Variants in CCSER1 observed in about 807,000 individuals in gnomAD.
The protein encoded by CCSER1 is serine-rich coiled-coil domain-containing protein 1.
CCSER1 carries 41 observed loss-of-function variants against 82.0 expected under a neutral mutation model. That is an observed-to-expected ratio of 0.50 (90% CI 0.39 to 0.65). The LOEUF (loss-of-function observed/expected upper bound fraction) is 0.65, where lower values mean the gene tolerates loss of function less well. Among genes scored for constraint, CCSER1 ranks in the 30% least tolerant of loss-of-function variants. CCSER1 has a pLI of 0.00. For missense variants in CCSER1, 1,119 were observed against 1,064.2 expected, an observed-to-expected ratio of 1.05 and a Z score of -0.72; for synonymous variants, 414 against 383.9, an observed-to-expected ratio of 1.08 and a Z score of -0.92.
intron 1 of CCSER1, among the ~76,000 whole-genome samples, chr4:90,228,258 G>C (rs1343738202): frequency 6.6e-6 from 1 of 152,164 alleles, no homozygotes; most frequent in Admixed American, 6.5e-5. Context: ...GTTTCTCCCA[G>C]CACGCAGCTG....
At chr4:90,487,639 G>A (rs923036362) in intron 5 of CCSER1, among the ~76,000 whole-genome samples, 2 of 152,084 alleles carry the variant, frequency 1.3e-5, no homozygotes, top group African/African-American at 4.8e-5. Context: ...ATTTAATCTA[G>A]TGTTTCTTTG....
chr4:90,973,741 A>G (rs1581239459), intron 9 of CCSER1, among the ~76,000 whole-genome samples: 1 of 151,822 alleles, frequency 6.6e-6, no homozygotes, highest in East Asian at 1.9e-4. Context: ...AGCAATAACC[A>G]AAGCATGGAA....
chr4:91,199,741 G>A (rs1164253881), intron 10 of CCSER1, among the ~76,000 whole-genome samples: 4 of 151,768 alleles, frequency 2.6e-5, no homozygotes. Context: ...TAATCCTAAA[G>A]ATTAGCTTTA....
At chr4:90,544,767 C>T (rs1776552168) in intron 5 of CCSER1, among the ~76,000 whole-genome samples, 1 of 151,898 alleles carries the variant, frequency 6.6e-6, no homozygotes, top group Non-Finnish European at 1.5e-5. Context: ...AAAGGCACTC[C>T]CATAAGTGCC....
At position 90,585,709 on chromosome 4, in the gene CCSER1, A is replaced by G. The variant is rs1243136290; in HGVS notation, c.1725-42316A>G. On this transcript the variant is annotated intron_variant, in intron 5 of 10. Transcript: ENST00000509176. ...AGCATAAACATGTTCCAAAAAAGTA[A>G]CATACGGGTGTGTGACTAAAAATGT... is the stretch of plus-strand genomic sequence containing the variant. Among the ~76,000 whole-genome samples, 3 of 152,186 alleles carry G rather than the reference A, an allele frequency of 2.0e-5. No homozygotes were observed. In the East Asian group the frequency reaches 5.8e-4, roughly 29 times the overall value.
At chr4:91,037,556 G>A (rs1326234170) in intron 9 of CCSER1, among the ~76,000 whole-genome samples, 1 of 149,440 alleles carries the variant, frequency 6.7e-6, no homozygotes, top group South Asian at 2.2e-4. Context: ...TTCTTATCGA[G>A]CACCTTGTTA....
intron 10 of CCSER1, among the ~76,000 whole-genome samples, chr4:91,513,198 G>A (rs938348887): frequency 3.3e-5 from 5 of 152,104 alleles, no homozygotes; most frequent in Non-Finnish European, 7.4e-5. Flanking sequence ...ATTTTAATGA[G>A]AGCTTTTTAT....
chr4:91,312,970 C>T (rs779655941), intron 10 of CCSER1, among the ~76,000 whole-genome samples: 2 of 151,886 alleles, frequency 1.3e-5, no homozygotes, highest in Non-Finnish European at 2.9e-5. Context: ...ATTTGATACC[C>T]CTTTCCAAGA....
At chr4:91,167,821 A>G (rs1215911324) in intron 10 of CCSER1, among the ~76,000 whole-genome samples, 1 of 152,276 alleles carries the variant, frequency 6.6e-6, no homozygotes, top group Non-Finnish European at 1.5e-5. Flanking sequence ...ATAACATAAT[A>G]TAACCTAACA....
At chr4:91,340,347 T>C (rs1747629526) in intron 10 of CCSER1, among the ~76,000 whole-genome samples, 1 of 152,200 alleles carries the variant, frequency 6.6e-6, no homozygotes, top group African/African-American at 2.4e-5. Flanking sequence ...ATCACTGTCC[T>C]GAATTAAATA....
chr4:90,420,965 T>A (rs1406666639), intron 4 of CCSER1, among the ~76,000 whole-genome samples: 2 of 152,128 alleles, frequency 1.3e-5, no homozygotes, highest in Non-Finnish European at 2.9e-5. Flanking sequence ...TACAATTGCT[T>A]GAATAATGCC....
chr4:90,610,719 A>G (rs1330934389), intron 5 of CCSER1, among the ~76,000 whole-genome samples: 2 of 152,214 alleles, frequency 1.3e-5, no homozygotes, highest in Non-Finnish European at 2.9e-5. Context: ...TTTATGTGAA[A>G]AGCTACACAC....
At chr4:90,292,030 A>G (rs939934714) in intron 1 of CCSER1, among the ~76,000 whole-genome samples, 2 of 151,984 alleles carry the variant, frequency 1.3e-5, no homozygotes, top group African/African-American at 2.4e-5. Context: ...GAAAATAGGT[A>G]TATGATTTGG....
intron 8 of CCSER1, among the ~76,000 whole-genome samples, chr4:90,906,515 C>A (rs1725495967): frequency 6.6e-6 from 1 of 152,086 alleles, no homozygotes; most frequent in Non-Finnish European, 1.5e-5. Flanking sequence ...TGTGTCACTT[C>A]ACGGTTTACT....
At chr4:91,090,516 C>A (rs867165182) in intron 10 of CCSER1, among the ~76,000 whole-genome samples, 12 of 152,180 alleles carry the variant, frequency 7.9e-5, no homozygotes, top group African/African-American at 1.7e-4. Flanking sequence ...TGAGTGAATT[C>A]TTTTCCTTCT....
At chr4:90,506,113 T>C (rs12647184) in intron 5 of CCSER1, among the ~76,000 whole-genome samples, 18,579 of 152,190 alleles carry the variant, frequency 0.12, 1,632 homozygotes, top group East Asian at 0.37. Context: ...TCAGAAAATG[T>C]TGAATTAGTG....
At chr4:91,096,771 TATC>T (rs751904681) in intron 10 of CCSER1, among the ~76,000 whole-genome samples, 2 of 152,018 alleles carry the variant, frequency 1.3e-5, no homozygotes, top group African/African-American at 2.4e-5. Flanking sequence ...GAAGACAAAA[TATC>T]ATGCTCACAC....
chr4:90,937,504 A>ACACACACACACACACACACACAC (rs757870134), intron 9 of CCSER1, among the ~76,000 whole-genome samples: 30 of 77,784 alleles, frequency 3.9e-4, no homozygotes, highest in African/African-American at 1.1e-3. Flanking sequence ...CACACACACA[A>ACACACACACACACACACACACAC]ACACACACAC....
At chr4:90,864,162 A>G (rs997837794) in intron 8 of CCSER1, among the ~76,000 whole-genome samples, 11 of 151,758 alleles carry the variant, frequency 7.2e-5, no homozygotes, top group African/African-American at 2.7e-4. Flanking sequence ...TTGCTTCAGC[A>G]TGCTTGCTTG....
Sources: allele counts gnomAD v4.1 joint callset (sites outside exome capture counted in the v4.1 genomes callset), GRCh38; gene constraint gnomAD v4.1.1; transcripts MANE v1.5; gene names NCBI Gene and HGNC (gene_info 2026-07-23, HGNC 2026-07-21).